Variants in TXLNB observed in about 807,000 individuals in gnomAD.
TXLNB encodes the protein taxilin beta, also known as beta-taxilin.
Under a neutral mutation model 57.4 loss-of-function variants are expected in TXLNB, and 37 were observed. That is an observed-to-expected ratio of 0.64 (90% CI 0.50 to 0.85). The LOEUF (loss-of-function observed/expected upper bound fraction) is 0.85, where lower values mean the gene tolerates loss of function less well. Ranked by LOEUF, TXLNB falls within the 40% of genes least tolerant of loss-of-function variation. The pLI is 0.00. For synonymous variants in TXLNB, 302 were observed against 309.6 expected (o/e 0.98, Z 0.26); for missense variants, 848 against 825.6 (o/e 1.03, Z -0.33).
chr6:139,205,805 G>C, the TXLNB span, among the ~76,000 whole-genome samples: 1 of 152,176 alleles, frequency 6.6e-6, no homozygotes, highest in Non-Finnish European at 1.5e-5. Context: ...TAGGAATCTA[G>C]ACATCCAGCT....
intron 3 of TXLNB, among the ~76,000 whole-genome samples, chr6:139,273,330 C>T (rs904428591): frequency 6.6e-6 from 1 of 152,206 alleles, no homozygotes; most frequent in Admixed American, 6.5e-5. Flanking sequence ...CAAAACTGTC[C>T]CTGTTTAGGG....
chr6:139,267,667 G>A (rs1776648192), intron 4 of TXLNB, among the ~76,000 whole-genome samples: 1 of 152,132 alleles, frequency 6.6e-6, no homozygotes, highest in Non-Finnish European at 1.5e-5. Flanking sequence ...GACTAGTACT[G>A]CAATTAAAGG....
In TXLNB at chr6:139,247,885, CA is replaced by C. The variant is rs777367528; in HGVS notation, c.1101del (p.Phe367LeufsTer8). On this transcript the variant is annotated frameshift_variant, in exon 8 of 10. Transcript: ENST00000358430. LOFTEE classifies it high-confidence loss of function. The stretch of plus-strand genomic sequence containing the variant: ...TTAGTTAGTGTGCTCTGGAATTCTT[CA>C]AACCTTCCTGAGTAGAGAGTGAGCT... ...QAQLTLYSGR[F>X]EEFQSTLTKS... is the part of the protein sequence containing the mutation. 6.2e-7 allele frequency: 1 copy of C among 1,606,956 alleles called. No homozygotes were observed. The highest frequency in any genetic ancestry group is 1.7e-5 in the Admixed American group (1 of 59,060).
Position 139,241,933 on chromosome 6 carries a change from T to G in TXLNB, c.*593A>C, listed in dbSNP as rs1331141575. ...TCTAAATATTCTGCATTGAGAAAAA[T>G]GCATTAAGGGGTGAGAGAAATGTAT... is the stretch of plus-strand genomic sequence containing the variant. On this transcript the variant is annotated 3_prime_UTR_variant, in exon 10 of 10. Coordinates refer to ENST00000358430, the MANE Select transcript of TXLNB (RefSeq NM_153235.4). 1 of 152,108 alleles carries G rather than the reference T, an allele frequency of 6.6e-6. No individual in the cohort carries two copies. The highest frequency in any genetic ancestry group is 1.9e-4 in the East Asian group (1 of 5,192). The allele number at this position is 152,108 out of a possible 1,614,324, so 9.4% of individuals were successfully genotyped here.
chr6:139,243,227 TTC>T lies in TXLNB; in HGVS notation c.1352_1353del (p.Arg451LysfsTer14). 6.2e-6 allele frequency: 10 copies of T among 1,614,132 alleles called. No homozygotes were observed. Among genetic ancestry groups the T allele is most frequent in the Non-Finnish European group, 8.5e-6 (10 of 1,180,036 alleles). On this transcript the variant is annotated frameshift_variant, in exon 10 of 10. Coordinates refer to ENST00000358430, the MANE Select transcript of TXLNB (RefSeq NM_153235.4). LOFTEE classifies it low-confidence loss of function (END_TRUNC). ...ENLCRALQEERNELHKKIRDA... is the reference protein window; with the variant it reads ...ENLCRALQEEXNELHKKIRDA... ...TCTCTGATTTTTTTGTGGAGTTCGT[TTC>T]TCTCTTCTTGTAAAGCACGGCAGAG...
the TXLNB span, among the ~76,000 whole-genome samples, chr6:139,184,142 G>A: frequency 6.6e-6 from 1 of 152,210 alleles, no homozygotes; most frequent in South Asian, 2.1e-4. Context: ...GAGGTTGGGT[G>A]TAATACACAA....
chr6:139,255,317 CCATT>C, intron 7 of TXLNB: 2 of 529,458 alleles, frequency 3.8e-6, no homozygotes, highest in Non-Finnish European at 7.2e-6. Context: ...GTACTGTCAT[CCATT>C]GTCTGTCAAC....
At chr6:139,212,908 C>T in the TXLNB span, among the ~76,000 whole-genome samples, 9 of 152,296 alleles carry the variant, frequency 5.9e-5, no homozygotes, top group South Asian at 1.2e-3. Flanking sequence ...GTAAAGGGAT[C>T]GATTCAACAA....
At chr6:139,285,257 AACACACACACACACACACACACAC>A (rs57409101) in intron 2 of TXLNB, among the ~76,000 whole-genome samples, 1 of 119,994 alleles carries the variant, frequency 8.3e-6, no homozygotes, top group Non-Finnish European at 1.8e-5. Flanking sequence ...CTTTCCCCTC[AACACACACACACACACACACACAC>A]ACACACACAC....
the TXLNB span, among the ~76,000 whole-genome samples, chr6:139,215,506 C>T: frequency 6.6e-6 from 1 of 152,100 alleles, no homozygotes; most frequent in East Asian, 1.9e-4. Context: ...CATGTTAGAC[C>T]TAAAACCATA....
In TXLNB at chr6:139,242,777, C is replaced by G. The variant is rs9495391; in HGVS notation, c.1804G>C (p.Ala602Pro). 0.38 allele frequency: 617,247 copies of G among 1,613,814 alleles called. 126,971 individuals are homozygous for G. The highest frequency in any genetic ancestry group is 0.83 in the African/African-American group (61,933 of 74,960). ...GLPVGAQADQ[A>P]SWKPEAEASG... ...GCTTCTGCCTCTGGCTTCCAGGACGCCTGATCAGCCTGTGCTCCAACAGGG... is the reference window on the plus strand; with the variant it reads ...GCTTCTGCCTCTGGCTTCCAGGACGGCTGATCAGCCTGTGCTCCAACAGGG... Residue 602 changes from alanine to proline, a missense_variant, in exon 10 of 10, where the codon GCG (alanine) becomes CCG (proline). By Grantham distance (27) the Ala-to-Pro change is conservative. Coordinates refer to ENST00000358430, the MANE Select transcript of TXLNB (RefSeq NM_153235.4).
At chr6:139,262,848 GAGATA>G in intron 4 of TXLNB, 75 bp from the exon 5 acceptor site, 1 of 1,473,598 alleles carries the variant, frequency 6.8e-7, no homozygotes, top group South Asian at 1.3e-5. Context: ...TCACCTAAAG[GAGATA>G]AGTGTGCAGA....
the TXLNB span, among the ~76,000 whole-genome samples, chr6:139,217,047 A>G: frequency 6.6e-6 from 1 of 152,114 alleles, no homozygotes; most frequent in Non-Finnish European, 1.5e-5. Context: ...AGGGACCTAG[A>G]TAAGCTACAA....
upstream of TXLNB, among the ~76,000 whole-genome samples, chr6:139,292,443 C>G (rs956630060): frequency 2.0e-5 from 3 of 152,076 alleles, no homozygotes; most frequent in Admixed American, 6.6e-5. This position sits in a 1 kb window ranked among gnomAD's most constrained non-coding sequence, Gnocchi z 4.0. Context: ...CTTGCACTAG[C>G]TTAATTAGTG....
the TXLNB span, among the ~76,000 whole-genome samples, chr6:139,161,628 T>G: frequency 2.6e-5 from 4 of 152,238 alleles, no homozygotes; most frequent in African/African-American, 9.6e-5. Context: ...TTTCCTCTCT[T>G]AATCCACCTT....
the TXLNB span, chr6:139,183,380 G>A: frequency 6.6e-6 from 1 of 152,124 alleles, no homozygotes; most frequent in African/African-American, 2.4e-5. Context: ...CATATTAATT[G>A]TCAGATCTGG....
At chr6:139,184,805 G>T in the TXLNB span, among the ~76,000 whole-genome samples, 1 of 152,158 alleles carries the variant, frequency 6.6e-6, no homozygotes, top group Non-Finnish European at 1.5e-5. Flanking sequence ...TGGTATCCCA[G>T]ACTGTTGAGG....
the TXLNB span, among the ~76,000 whole-genome samples, chr6:139,159,758 A>C: frequency 7.2e-5 from 11 of 152,208 alleles, no homozygotes; most frequent in Non-Finnish European, 1.2e-4. Context: ...TACAAGGATG[A>C]ATGTGACTAA....
chr6:139,167,215 C>T, the TXLNB span: 11 of 1,614,002 alleles, frequency 6.8e-6, no homozygotes, highest in East Asian at 4.5e-5. Flanking sequence ...GTGCCCTGTG[C>T]CACCGGGCGC....
Sources: allele counts gnomAD v4.1 joint callset (sites outside exome capture counted in the v4.1 genomes callset), GRCh38; gene constraint gnomAD v4.1.1; non-coding constraint Gnocchi (gnomAD v3.1); transcripts MANE v1.5; gene names NCBI Gene and HGNC (gene_info 2026-07-23, HGNC 2026-07-21).